Variants in GPC3 observed in about 807,000 individuals in gnomAD.
The protein encoded by GPC3 is glypican 3.
A neutral mutation model predicts 34.4 loss-of-function variants in GPC3; 3 were observed. The ratio of observed to expected loss-of-function variants is 0.09; its 90% CI spans 0.04 to 0.23. GPC3 has a LOEUF of 0.23. GPC3 is among the 10% of genes least tolerant of loss of function. The pLI is 1.00. For synonymous variants in GPC3, 177 were observed against 174.0 expected, an observed-to-expected ratio of 1.02 and a Z score of -0.13; for missense variants, 351 against 445.6, an observed-to-expected ratio of 0.79 and a Z score of 1.91.
At chrX:133,836,792 C>T (rs2075801670) in intron 2 of GPC3, among the ~76,000 whole-genome samples, 1 of 111,400 alleles carries the variant, frequency 9.0e-6, no homozygotes, top group African/African-American at 3.3e-5. Flanking sequence ...GACTATGGTG[C>T]TTTGTCCTGT....
intron 2 of GPC3, among the ~76,000 whole-genome samples, chrX:133,870,544 C>T (rs189106100): frequency 9.0e-6 from 1 of 111,571 alleles, no homozygotes; most frequent in Non-Finnish European, 1.9e-5. Flanking sequence ...TTCCATTTGT[C>T]CCACATTTCC....
intron 2 of GPC3, among the ~76,000 whole-genome samples, chrX:133,950,453 A>C (rs1484125865): frequency 8.9e-6 from 1 of 112,093 alleles, no homozygotes; most frequent in Non-Finnish European, 1.9e-5. Context: ...TAGTGAAGGA[A>C]TACCAAAGAG....
Position 133,615,018 on chromosome X carries a change from T to G in GPC3, c.1414-18419A>C, listed in dbSNP as rs1055459270. On this transcript the variant is annotated intron_variant, in intron 6 of 7. Coordinates refer to ENST00000370818, the MANE Select transcript of GPC3 (RefSeq NM_004484.4). ...CTCAAGAAAAAACAGAAAATCTGAA[T>G]AGATCTATAACAAGTAAAATAATGA... Among the ~76,000 whole-genome samples the G allele has an allele frequency of 5.3e-5, 6 of 112,166 alleles. No homozygotes were observed. In the East Asian group the frequency reaches 1.7e-3, roughly 31 times the overall value.
chrX:133,738,262 C>A (rs909621286), intron 3 of GPC3, among the ~76,000 whole-genome samples: 11 of 112,241 alleles, frequency 9.8e-5, no homozygotes, highest in African/African-American at 3.6e-4. Context: ...TTGCACCAGG[C>A]CTGTGATTCA....
chrX:133,711,190 C>A (rs1020663439), intron 3 of GPC3, among the ~76,000 whole-genome samples: 1 of 112,002 alleles, frequency 8.9e-6, no homozygotes, highest in Non-Finnish European at 1.9e-5. Flanking sequence ...AATTTGTGAA[C>A]TTTTCTCTAC....
intron 3 of GPC3, among the ~76,000 whole-genome samples, chrX:133,729,047 G>A: frequency 9.0e-6 from 1 of 111,252 alleles, no homozygotes; most frequent in South Asian, 3.9e-4. Flanking sequence ...ATAAGCTCCT[G>A]TGTCCAAACC....
At chrX:133,664,810 CA>C (rs1289642836) in intron 5 of GPC3, among the ~76,000 whole-genome samples, 841 of 68,653 alleles carry the variant, frequency 0.012, 8 homozygotes, top group Middle Eastern at 0.044. Context: ...CCGAACCACT[CA>C]AAAAAAAAAA....
intron 6 of GPC3, among the ~76,000 whole-genome samples, chrX:133,655,212 A>G (rs999951746): frequency 2.7e-5 from 3 of 111,519 alleles, no homozygotes; most frequent in African/African-American, 9.8e-5. Flanking sequence ...ATAGTAATTA[A>G]GATATTAAAA....
chrX:133,741,401 T>A (rs928462120), intron 3 of GPC3, among the ~76,000 whole-genome samples: 2 of 111,160 alleles, frequency 1.8e-5, no homozygotes, highest in Non-Finnish European at 3.8e-5. Context: ...AGGCCACACG[T>A]AGAAAACAGG....
At chrX:133,662,726 C>A (rs1416676718) in intron 5 of GPC3, among the ~76,000 whole-genome samples, 1 of 111,825 alleles carries the variant, frequency 8.9e-6, no homozygotes, top group African/African-American at 3.3e-5. Context: ...TTGCTTTCAT[C>A]ATGTGGAAAT....
intron 7 of GPC3, among the ~76,000 whole-genome samples, chrX:133,582,828 AC>A (rs1466723007): frequency 9.0e-6 from 1 of 111,017 alleles, no homozygotes; most frequent in Non-Finnish European, 1.9e-5. Flanking sequence ...ATGAGTGTGA[AC>A]TGGACAACCT....
intron 2 of GPC3, among the ~76,000 whole-genome samples, chrX:133,912,532 G>A (rs1337947790): frequency 2.8e-5 from 3 of 107,908 alleles, no homozygotes; most frequent in Non-Finnish European, 5.8e-5. Flanking sequence ...TTTTTGGTGG[G>A]GGAAGGGGGG....
intron 2 of GPC3, among the ~76,000 whole-genome samples, chrX:133,874,031 C>T (rs1462729765): frequency 9.0e-6 from 1 of 111,096 alleles, no homozygotes; most frequent in African/African-American, 3.3e-5. Flanking sequence ...ACGAAGAGTT[C>T]CCAAGAGCTC....
Position 133,754,154 on chromosome X carries a change from G to A in GPC3, c.360C>T (p.Arg120=). ...TGGCATTGGTGTAGTTCTTGGCATG[G>A]CGAACAACAATTTCAAAGGCCTCTG... ...VFQEAFEIVV[R]HAKNYTNAMF... The change falls in exon 3 of 8, where the codon CGC becomes CGT. Residue 120 remains arginine (R), a synonymous_variant. Coordinates refer to ENST00000370818, the MANE Select transcript of GPC3 (RefSeq NM_004484.4). 8.4e-7 allele frequency: 1 copy of A among 1,188,638 alleles called. No individual in the cohort carries two copies. The highest frequency in any genetic ancestry group is 3.0e-5 in the East Asian group (1 of 33,648).
At chrX:133,747,084 A>T (rs1392549709) in intron 3 of GPC3, among the ~76,000 whole-genome samples, 2 of 112,063 alleles carry the variant, frequency 1.8e-5, no homozygotes, top group Admixed American at 1.9e-4. Flanking sequence ...AAGGAAATGG[A>T]TGTATTTGGA....
chrX:133,582,800 G>A (rs962881102), intron 7 of GPC3, among the ~76,000 whole-genome samples: 1 of 111,544 alleles, frequency 9.0e-6, no homozygotes, highest in African/African-American at 3.3e-5. Context: ...AATCAGAAGG[G>A]AGAGAGTGGT....
At chrX:133,726,549 G>A (rs186258495) in intron 3 of GPC3, among the ~76,000 whole-genome samples, 4 of 110,801 alleles carry the variant, frequency 3.6e-5, no homozygotes, top group East Asian at 2.9e-4. Flanking sequence ...ATTCACTTCC[G>A]TAATCACTCA....
chrX:133,744,889 A>G (rs916605624), intron 3 of GPC3, among the ~76,000 whole-genome samples: 13 of 111,140 alleles, frequency 1.2e-4, no homozygotes, highest in African/African-American at 4.3e-4. Flanking sequence ...GGAAACCATC[A>G]TTCTCAGCAA....
At chrX:133,848,298 T>C (rs986744582) in intron 2 of GPC3, among the ~76,000 whole-genome samples, 2 of 110,553 alleles carry the variant, frequency 1.8e-5, no homozygotes, top group Non-Finnish European at 1.9e-5. Flanking sequence ...GTTGGGGGAG[T>C]GGTTCAAGGA....
Sources: allele counts gnomAD v4.1 joint callset (sites outside exome capture counted in the v4.1 genomes callset), GRCh38; gene constraint gnomAD v4.1.1; transcripts MANE v1.5; gene names NCBI Gene and HGNC (gene_info 2026-07-23, HGNC 2026-07-21).